The following LRRIQ1 variants were observed in gnomAD, a reference collection of about 807,000 sequenced individuals.
LRRIQ1 encodes the protein leucine-rich repeat- and IQ domain-containing protein 1.
In LRRIQ1, 210 loss-of-function variants were observed where a neutral mutation model predicts 211.9. The ratio of observed to expected loss-of-function variants is 0.99; its 90% CI spans 0.89 to 1.11. The LOEUF is 1.11. Among genes scored for constraint, LRRIQ1 ranks in the 50% most tolerant of loss-of-function variants. LRRIQ1 has a pLI of 0.00. For synonymous variants in LRRIQ1, 699 were observed against 650.1 expected (o/e 1.08, Z -1.14); for missense variants, 2,136 against 1,939.5 (o/e 1.10, Z -1.90).
intron 18 of LRRIQ1, among the ~76,000 whole-genome samples, chr12:85,135,571 G>A (rs11116722): frequency 0.28 from 41,895 of 151,620 alleles, 5,929 homozygotes; most frequent in Admixed American, 0.33. Context: ...AGAAAGGCAA[G>A]TTAAATGCTT....
intron 24 of LRRIQ1, among the ~76,000 whole-genome samples, chr12:85,170,588 T>C (rs577362722): frequency 6.6e-6 from 1 of 151,522 alleles, no homozygotes; most frequent in East Asian, 1.9e-4. Context: ...TATGGTTAAA[T>C]TTTTAAATAG....
Position 85,104,069 on chromosome 12 carries a change from G to A in LRRIQ1, c.3275G>A (p.Cys1092Tyr). 6.5e-7 allele frequency: 1 copy of A among 1,536,590 alleles called. No individual in the cohort carries two copies. Among genetic ancestry groups the A allele is most frequent in the East Asian group, 2.4e-5 (1 of 41,894 alleles). Reference sequence around the variant, plus strand: ...GAAAAGCTAGATGTCAGCCACAATTGTCTTTCTGGTAAGTTTAGCATAATA... The same window carrying A: ...GAAAAGCTAGATGTCAGCCACAATTATCTTTCTGGTAAGTTTAGCATAATA... ...SLEKLDVSHN[C>Y]LSDLKSAIKW... The change falls in exon 14 of 27, where the codon TGT becomes TAT. Residue 1092 changes from cysteine (C) to tyrosine (Y), a missense_variant. Physicochemically the swap from Cys to Tyr is radical, Grantham distance 194. Transcript: ENST00000393217.
chr12:85,095,728 T>G (rs1885810610), intron 11 of LRRIQ1, among the ~76,000 whole-genome samples: 1 of 152,188 alleles, frequency 6.6e-6, no homozygotes, highest in African/African-American at 2.4e-5. Flanking sequence ...CAGCTCTTCC[T>G]GGTACTGTAT....
chr12:85,038,996 T>G (rs1878529554), intron 2 of LRRIQ1, among the ~76,000 whole-genome samples: 2 of 151,294 alleles, frequency 1.3e-5, no homozygotes, highest in Non-Finnish European at 3.0e-5. Flanking sequence ...TAAGCTTTTT[T>G]TGAAAAAGAA....
intron 2 of LRRIQ1, 76 bp downstream of exon 2, chr12:85,038,384 T>C: frequency 8.9e-7 from 1 of 1,123,744 alleles, no homozygotes; most frequent in Non-Finnish European, 1.2e-6. Context: ...AGGATGTTTT[T>C]ATGTACTTCT....
At chr12:85,159,448 T>A (rs1286287545) in intron 23 of LRRIQ1, 2 of 152,052 alleles carry the variant, frequency 1.3e-5, no homozygotes, top group African/African-American at 2.4e-5. Context: ...GGGACTGATT[T>A]TTTTTACACA....
chr12:85,198,131 T>A lies in LRRIQ1; in HGVS notation c.4823-31386T>A, dbSNP rs1357521663. Among the ~76,000 whole-genome samples the A allele has an allele frequency of 4.2e-5, 5 of 119,268 alleles. No individual in the cohort carries two copies. In the South Asian group the frequency reaches 1.1e-3, roughly 27 times the overall value. The allele number at this position is 119,268 out of a possible 152,430, so 78.2% of individuals were successfully genotyped here. ...TTTATATATAATATATAATATATAT[T>A]ATATATAATATATTATATTATGTAT... On this transcript the variant is annotated intron_variant, in intron 24 of 26. Coordinates refer to ENST00000393217, the MANE Select transcript of LRRIQ1 (RefSeq NM_001079910.2).
intron 1 of LRRIQ1, among the ~76,000 whole-genome samples, chr12:85,257,810 G>A (rs1012243229): frequency 6.6e-6 from 1 of 151,778 alleles, no homozygotes; most frequent in African/African-American, 2.4e-5. Context: ...TGAAAACAAT[G>A]TAAGAATGAC....
At chr12:85,107,728 C>A (rs1366003829) in intron 15 of LRRIQ1, among the ~76,000 whole-genome samples, 2 of 151,904 alleles carry the variant, frequency 1.3e-5, no homozygotes, top group East Asian at 3.9e-4. Context: ...TTATTTATTT[C>A]CCTTTCCATG....
chr12:85,038,790 A>C (rs1305748889), intron 2 of LRRIQ1, among the ~76,000 whole-genome samples: 1 of 151,494 alleles, frequency 6.6e-6, no homozygotes, highest in African/African-American at 2.4e-5. Context: ...TAATATTTCC[A>C]GTGTCTCTTG....
intron 11 of LRRIQ1, among the ~76,000 whole-genome samples, chr12:85,093,100 C>T (rs562408207): frequency 2.0e-5 from 3 of 152,150 alleles, no homozygotes; most frequent in East Asian, 1.9e-4. Context: ...TGTCTTTATG[C>T]GATATATTTT....
intron 3 of LRRIQ1, among the ~76,000 whole-genome samples, chr12:85,043,395 G>C (rs1879131764): frequency 6.6e-6 from 1 of 152,042 alleles, no homozygotes; most frequent in South Asian, 2.1e-4. Flanking sequence ...TCAACTGGAG[G>C]CACCTACATG....
In LRRIQ1 at chr12:85,137,303, GAGTTAT is replaced by G. The variant is rs556157783; in HGVS notation, c.4210-541_4210-536del. Among the ~76,000 whole-genome samples, 49 of 151,194 alleles carry G rather than the reference GAGTTAT, an allele frequency of 3.2e-4. No homozygotes were observed. The East Asian group carries it at 7.6e-3, about 24-fold the overall frequency. ...TTTTTTACAAGCTACATTGTACTTG[GAGTTAT>G]AGTTAGGAAAGCTCATCCTACTCCA... On this transcript the variant is annotated intron_variant, in intron 18 of 26. Coordinates refer to ENST00000393217, the MANE Select transcript of LRRIQ1 (RefSeq NM_001079910.2).
chr12:85,079,009 A>G (rs370150593), intron 11 of LRRIQ1, among the ~76,000 whole-genome samples: 1 of 152,268 alleles, frequency 6.6e-6, no homozygotes, highest in East Asian at 1.9e-4. Flanking sequence ...AACACAAGAC[A>G]TCTGGGTTCT....
At chr12:85,068,088 G>A (rs1268933601) in intron 10 of LRRIQ1, among the ~76,000 whole-genome samples, 1 of 151,870 alleles carries the variant, frequency 6.6e-6, no homozygotes, top group Admixed American at 6.6e-5. Flanking sequence ...AATTCATGAT[G>A]AAATTCTCAA....
At chr12:85,184,193 C>T (rs1892121354) in intron 24 of LRRIQ1, among the ~76,000 whole-genome samples, 1 of 151,934 alleles carries the variant, frequency 6.6e-6, no homozygotes, top group Non-Finnish European at 1.5e-5. Flanking sequence ...AGTGGAGTAT[C>T]TTAAATATGT....
At chr12:85,235,943 C>A (rs374095735) in intron 26 of LRRIQ1, among the ~76,000 whole-genome samples, 3 of 152,060 alleles carry the variant, frequency 2.0e-5, no homozygotes, top group African/African-American at 7.2e-5. Context: ...AAAGCTAAAG[C>A]AAACTTCATG....
Position 85,037,378 on chromosome 12 carries a change from TA to T in LRRIQ1, c.-24-765del, listed in dbSNP as rs373063056. On this transcript the variant is annotated intron_variant, in intron 1 of 26. Transcript: ENST00000393217. Reference sequence around the variant, plus strand: ...ACCCGTGCATTTTGCTTTGTAGGCATAAAAAAAAAATCTAGCTTTCCTTCTA... The same window carrying T: ...ACCCGTGCATTTTGCTTTGTAGGCATAAAAAAAAATCTAGCTTTCCTTCTA... 9.4e-3 allele frequency among the ~76,000 whole-genome samples: 1,401 copies of T among 149,602 alleles called. 18 individuals are homozygous for T. Among genetic ancestry groups the T allele is most frequent in the African/African-American group, 0.032 (1,320 of 40,916 alleles).
intron 20 of LRRIQ1, among the ~76,000 whole-genome samples, chr12:85,152,603 A>T (rs548150418): frequency 1.1e-4 from 17 of 151,664 alleles, no homozygotes; most frequent in South Asian, 6.2e-4. Flanking sequence ...GTAGCAAAAG[A>T]AAAAAAATGA....
Sources: gnomAD v4.1 joint callset for allele counts (sites outside exome capture counted in the v4.1 genomes callset) on GRCh38, gnomAD v4.1.1 for gene constraint, MANE v1.5 for transcripts, NCBI Gene and HGNC (gene_info 2026-07-23, HGNC 2026-07-21) for gene names.